SNRK: variants seen among roughly 807,000 people sequenced by gnomAD.
SNRK encodes the protein SNF-related serine/threonine-protein kinase.
In SNRK, 3 loss-of-function variants were observed where a neutral mutation model predicts 48.2. The observed-to-expected ratio is 0.06, with a 90% CI of 0.03 to 0.16. SNRK has a LOEUF of 0.16. Ranked by LOEUF, SNRK falls within the 10% of genes least tolerant of loss-of-function variation. The pLI is 1.00. For missense variants in SNRK, 627 were observed against 976.0 expected (o/e 0.64, Z 4.76); for synonymous variants, 376 against 366.1 (o/e 1.03, Z -0.31).
chr3:43,312,335 C>T (rs1345227792), intron 3 of SNRK, among the ~76,000 whole-genome samples: 1 of 152,186 alleles, frequency 6.6e-6, no homozygotes, highest in Non-Finnish European at 1.5e-5. Flanking sequence ...TGCAGTTCAG[C>T]ATTTAATGGA....
In SNRK at chr3:43,303,772, A is replaced by G. The variant is rs1291059796; in HGVS notation, c.569A>G (p.Glu190Gly). The G allele has an allele frequency of 2.2e-5, 36 of 1,612,858 alleles. 1 individual carries two copies. The Admixed American group carries it at 6.0e-4, about 27-fold the overall frequency. Residue 190 changes from glutamate to glycine, a missense_variant, in exon 3 of 7, where the codon GAG becomes GGG. By Grantham distance (98) the Glu-to-Gly change is moderately conservative. Transcript: ENST00000296088. This position sits in a 1 kb window ranked among gnomAD's most constrained non-coding sequence, Gnocchi z 6.2. ...YSAPEILLGD[E>G]YDAPAVDIWS... The stretch of plus-strand genomic sequence containing the variant: ...GCTCCAGAAATTCTGCTTGGTGATG[A>G]GTATGATGCACCTGCAGTAGGTAGG...
At chr3:43,336,140 T>C (rs2091186312) in intron 4 of SNRK, among the ~76,000 whole-genome samples, 1 of 152,044 alleles carries the variant, frequency 6.6e-6, no homozygotes, top group Non-Finnish European at 1.5e-5. Context: ...TTTACCCCAT[T>C]CTTTGGAGTT....
chr3:43,324,243 C>T (rs1341300061), intron 3 of SNRK, among the ~76,000 whole-genome samples: 1 of 152,218 alleles, frequency 6.6e-6, no homozygotes, highest in Non-Finnish European at 1.5e-5. Context: ...GGCGTGGTGG[C>T]TCACGCCTGT....
chr3:43,346,014 C>G (rs975611542), intron 6 of SNRK, among the ~76,000 whole-genome samples: 1 of 152,158 alleles, frequency 6.6e-6, no homozygotes, highest in Admixed American at 6.5e-5. Flanking sequence ...ACTCTTCCTC[C>G]AGCCTGCCCT....
chr3:43,319,272 A>G (rs1030119691), intron 3 of SNRK, among the ~76,000 whole-genome samples: 7 of 152,162 alleles, frequency 4.6e-5, no homozygotes, highest in Admixed American at 4.6e-4. Flanking sequence ...CTAATTTAAT[A>G]TTTTTAAAAT....
intron 3 of SNRK, among the ~76,000 whole-genome samples, chr3:43,321,531 TCTCA>T (rs917478936): frequency 2.0e-5 from 3 of 152,180 alleles, no homozygotes; most frequent in Non-Finnish European, 4.4e-5. Context: ...TCATTCAGGG[TCTCA>T]CTCAGACCCT....
chr3:43,334,440 A>G (rs76999063), intron 4 of SNRK, among the ~76,000 whole-genome samples: 4,073 of 152,110 alleles, frequency 0.027, 183 homozygotes, highest in African/African-American at 0.091. Context: ...CAGTCTGGGT[A>G]ACAGAGTAAG....
chr3:43,344,802 C>T (rs1230503255), intron 6 of SNRK, among the ~76,000 whole-genome samples: 4 of 151,884 alleles, frequency 2.6e-5, no homozygotes, highest in Admixed American at 2.6e-4. Flanking sequence ...ACCTGAGCTC[C>T]CTGGCAAGAA....
intron 1 of SNRK, among the ~76,000 whole-genome samples, chr3:43,291,010 T>C (rs1467112385): frequency 6.6e-6 from 1 of 152,112 alleles, no homozygotes; most frequent in Non-Finnish European, 1.5e-5. Context: ...TGAGTGAGTA[T>C]AGGGAGCTGT....
Position 43,303,432 on chromosome 3 carries a change from C to T in SNRK, c.229C>T (p.Arg77Cys), listed in dbSNP as rs1305274728. The change falls in exon 3 of 7, where the codon CGC becomes TGC. Residue 77 changes from arginine (R) to cysteine (C), a missense_variant. Coordinates refer to ENST00000296088, the MANE Select transcript of SNRK (RefSeq NM_017719.5). This position sits in a 1 kb window ranked among gnomAD's most constrained non-coding sequence, Gnocchi z 6.2. Reference protein sequence around the residue: ...MKLVQHPNIVRLYEVIDTQTK... With the variant: ...MKLVQHPNIVCLYEVIDTQTK... ...ACTAGTGCAGCATCCTAACATCGTCCGCCTTTATGAAGTTATTGACACCCA... is the reference window on the plus strand; with the variant it reads ...ACTAGTGCAGCATCCTAACATCGTCTGCCTTTATGAAGTTATTGACACCCA... 2 of 1,614,016 alleles carry T rather than the reference C, an allele frequency of 1.2e-6. No homozygotes were observed.
Position 43,347,600 on chromosome 3 carries a change from A to T in SNRK, c.1341A>T (p.Glu447Asp), listed in dbSNP as rs780688512. ...GGAAGTGTCTGTTCAGGGTGGAAGAAGATGAAGAGGAAGATGAGGAGGACA... is the reference window on the plus strand; with the variant it reads ...GGAAGTGTCTGTTCAGGGTGGAAGATGATGAAGAGGAAGATGAGGAGGACA... ...SGRKCLFRVEEDEEEDEEDKK... is the reference protein window; with the variant it reads ...SGRKCLFRVEDDEEEDEEDKK... The change falls in exon 7 of 7, where the codon GAA (glutamate) becomes GAT (aspartate). Residue 447 changes from glutamate (E) to aspartate (D), a missense_variant. Glu to Asp is a conservative substitution (Grantham distance 45). Around this residue, in one of 4 missense-constraint regions of SNRK, gnomAD observed 175 missense variants for 209.7 expected, o/e 0.83. Transcript: ENST00000296088. This position sits in a 1 kb window ranked among gnomAD's most constrained non-coding sequence, Gnocchi z 5.4. 2.5e-6 allele frequency: 4 copies of T among 1,614,062 alleles called. No homozygotes were observed. Among genetic ancestry groups the T allele is most frequent in the Non-Finnish European group, 2.5e-6 (3 of 1,180,022 alleles).
At chr3:43,287,546 T>A (rs895460129) in intron 1 of SNRK, among the ~76,000 whole-genome samples, 1 of 152,228 alleles carries the variant, frequency 6.6e-6, no homozygotes, top group African/African-American at 2.4e-5. Flanking sequence ...CAAACTGTCA[T>A]GTTACTTTCC....
chr3:43,310,392 A>G (rs1399583231), intron 3 of SNRK, among the ~76,000 whole-genome samples: 1 of 151,750 alleles, frequency 6.6e-6, no homozygotes, highest in African/African-American at 2.4e-5. Flanking sequence ...CAGTATCTAC[A>G]TTATTTCTCC....
chr3:43,289,196 A>G (rs182473836), intron 1 of SNRK, among the ~76,000 whole-genome samples: 69 of 152,298 alleles, frequency 4.5e-4, no homozygotes, highest in Admixed American at 2.0e-3. Context: ...CCTGACATGG[A>G]AATGCTTCAC....
At position 43,297,504 on chromosome 3, in the gene SNRK, A is replaced by G. The variant is rs1431539734; in HGVS notation, c.-168-2250A>G. On this transcript the variant is annotated intron_variant, in intron 1 of 6. Coordinates refer to ENST00000296088, the MANE Select transcript of SNRK (RefSeq NM_017719.5). ...TTGTGTCTGGCCATATATTATGAAT[A>G]GAAAATAATTTGAAAGAATCTATAC... 2.8e-4 allele frequency among the ~76,000 whole-genome samples: 43 copies of G among 152,184 alleles called. 1 individual carries two copies. Among genetic ancestry groups the G allele is most frequent in the Non-Finnish European group, 2.8e-4 (19 of 68,028 alleles).
intron 3 of SNRK, among the ~76,000 whole-genome samples, chr3:43,325,537 T>C (rs2091090615): frequency 6.6e-6 from 1 of 152,196 alleles, no homozygotes; most frequent in Middle Eastern, 3.2e-3. Flanking sequence ...CTAAAACGTT[T>C]AGTTGATGGA....
At chr3:43,336,799 C>T (rs904934603) in intron 4 of SNRK, among the ~76,000 whole-genome samples, 16 of 151,904 alleles carry the variant, frequency 1.1e-4, no homozygotes, top group Non-Finnish European at 2.2e-4. Context: ...TTGCCCAGGC[C>T]GGAGTGCAGT....
chr3:43,301,257 AGTG>A (rs1236007516), intron 2 of SNRK, among the ~76,000 whole-genome samples: 1 of 152,212 alleles, frequency 6.6e-6, no homozygotes, highest in Non-Finnish European at 1.5e-5. Flanking sequence ...TCATTTCTGA[AGTG>A]GTATAAATAT....
chr3:43,307,865 T>G (rs559410576), intron 3 of SNRK, among the ~76,000 whole-genome samples: 1 of 152,318 alleles, frequency 6.6e-6, no homozygotes, highest in African/African-American at 2.4e-5. Context: ...GAGCAAGACA[T>G]AGTGAGGCAA....
Sources: gnomAD v4.1 joint callset for allele counts (sites outside exome capture counted in the v4.1 genomes callset) on GRCh38, gnomAD v4.1.1 for gene constraint, gnomAD v4.1.1 regional missense constraint, Gnocchi (gnomAD v3.1) non-coding constraint, MANE v1.5 for transcripts, NCBI Gene and HGNC (gene_info 2026-07-23, HGNC 2026-07-21) for gene names.